Variants in PPARGC1A observed in about 807,000 individuals in gnomAD.
PPARGC1A encodes the protein peroxisome proliferator-activated receptor gamma coactivator 1-alpha.
Under a neutral mutation model 88.7 loss-of-function variants are expected in PPARGC1A, and 25 were observed. The ratio of observed to expected loss-of-function variants is 0.28; its 90% CI spans 0.21 to 0.39. The LOEUF (loss-of-function observed/expected upper bound fraction) is 0.39, where lower values mean the gene tolerates loss of function less well. Ranked by LOEUF, PPARGC1A falls within the 10% of genes least tolerant of loss-of-function variation. The probability of loss-of-function intolerance (pLI) is 1.00; values close to 1 mark genes in which losing one functional copy is unlikely to be tolerated. For synonymous variants in PPARGC1A, 363 were observed against 355.6 expected (o/e 1.02, Z -0.24); for missense variants, 880 against 968.7 (o/e 0.91, Z 1.22).
chr4:23,998,418 G>C, the PPARGC1A span, among the ~76,000 whole-genome samples: 2 of 151,822 alleles, frequency 1.3e-5, no homozygotes, highest in Non-Finnish European at 2.9e-5. Flanking sequence ...TCATATAACG[G>C]CAAACCTACG....
chr4:24,356,058 G>C, the PPARGC1A span, among the ~76,000 whole-genome samples: 1 of 152,006 alleles, frequency 6.6e-6, no homozygotes, highest in Non-Finnish European at 1.5e-5. Flanking sequence ...TTAGCCAGGC[G>C]TGGTGGCGCG....
chr4:24,362,278 C>T, the PPARGC1A span, among the ~76,000 whole-genome samples: 1 of 152,042 alleles, frequency 6.6e-6, no homozygotes, highest in Non-Finnish European at 1.5e-5. Flanking sequence ...GTTCCAGATT[C>T]CTGTATCAAT....
the PPARGC1A span, among the ~76,000 whole-genome samples, chr4:24,155,549 C>T: frequency 1.3e-5 from 2 of 148,886 alleles, no homozygotes; most frequent in African/African-American, 5.0e-5. Flanking sequence ...TGCAGTGAGC[C>T]AAGATCTCAC....
the PPARGC1A span, among the ~76,000 whole-genome samples, chr4:23,972,724 C>A: frequency 6.6e-6 from 1 of 152,266 alleles, no homozygotes; most frequent in East Asian, 1.9e-4. Flanking sequence ...AATTATTTTT[C>A]TTTCTTTAAT....
chr4:24,325,667 G>A, the PPARGC1A span, among the ~76,000 whole-genome samples: 1 of 152,152 alleles, frequency 6.6e-6, no homozygotes, highest in Non-Finnish European at 1.5e-5. Context: ...TCGGCTTAGC[G>A]GCTGAAGACT....
At chr4:24,099,532 G>A in the PPARGC1A span, among the ~76,000 whole-genome samples, 2 of 152,168 alleles carry the variant, frequency 1.3e-5, no homozygotes, top group Non-Finnish European at 2.9e-5. Context: ...ATGGCTAGAT[G>A]AGAGGAGCCG....
the PPARGC1A span, among the ~76,000 whole-genome samples, chr4:23,924,598 G>A: frequency 6.6e-6 from 1 of 152,108 alleles, no homozygotes; most frequent in Non-Finnish European, 1.5e-5. Flanking sequence ...CTCCAGCCTG[G>A]GTGACAGAGC....
At chr4:23,953,531 G>A in the PPARGC1A span, among the ~76,000 whole-genome samples, 1 of 152,050 alleles carries the variant, frequency 6.6e-6, no homozygotes, top group Non-Finnish European at 1.5e-5. Context: ...TGTCTTTACT[G>A]TAATATTTGG....
chr4:24,298,510 C>T, the PPARGC1A span, among the ~76,000 whole-genome samples: 3 of 152,150 alleles, frequency 2.0e-5, no homozygotes, highest in Non-Finnish European at 4.4e-5. Flanking sequence ...CCATTCTTGT[C>T]ATTGATATAT....
At chr4:24,082,863 G>A in the PPARGC1A span, among the ~76,000 whole-genome samples, 1 of 152,138 alleles carries the variant, frequency 6.6e-6, no homozygotes, top group Non-Finnish European at 1.5e-5. Flanking sequence ...GGATACAGGA[G>A]TACAGGAGGC....
At chr4:24,222,716 A>C in the PPARGC1A span, among the ~76,000 whole-genome samples, 324 of 152,332 alleles carry the variant, frequency 2.1e-3, 4 homozygotes, top group Non-Finnish European at 3.5e-3. Context: ...TTTCTTTTTC[A>C]ATAATTCTAT....
chr4:24,014,930 C>A, the PPARGC1A span, among the ~76,000 whole-genome samples: 1 of 152,148 alleles, frequency 6.6e-6, no homozygotes, highest in East Asian at 1.9e-4. Flanking sequence ...TTTGACCACA[C>A]TGAAGAGGAG....
At chr4:24,124,120 C>T in the PPARGC1A span, among the ~76,000 whole-genome samples, 1 of 152,044 alleles carries the variant, frequency 6.6e-6, no homozygotes, top group Admixed American at 6.6e-5. Context: ...ATACCACCTT[C>T]AAAAACCAAA....
chr4:23,866,859 G>A (rs886536405), intron 2 of PPARGC1A, among the ~76,000 whole-genome samples: 3 of 152,008 alleles, frequency 2.0e-5, no homozygotes, highest in Non-Finnish European at 4.4e-5. Context: ...CCGCCCGGGG[G>A]TGCTTGACTC....
chr4:24,468,956 T>C, the PPARGC1A span, among the ~76,000 whole-genome samples: 1 of 144,512 alleles, frequency 6.9e-6, no homozygotes, highest in Non-Finnish European at 1.5e-5. Context: ...CACATCATAT[T>C]GATCTAGAAA....
At chr4:24,286,879 G>T in the PPARGC1A span, among the ~76,000 whole-genome samples, 1 of 152,042 alleles carries the variant, frequency 6.6e-6, no homozygotes, top group Non-Finnish European at 1.5e-5. Flanking sequence ...AGGTTGAGCT[G>T]GGGCAGGATC....
At chr4:23,878,024 A>G (rs567679671) in intron 2 of PPARGC1A, among the ~76,000 whole-genome samples, 10 of 152,318 alleles carry the variant, frequency 6.6e-5, no homozygotes, top group Admixed American at 2.6e-4. Context: ...AAGTAAATCT[A>G]AGAAGCAATG....
At chr4:24,117,096 G>A in the PPARGC1A span, among the ~76,000 whole-genome samples, 9 of 151,818 alleles carry the variant, frequency 5.9e-5, 1 homozygote, top group Admixed American at 1.3e-4. Flanking sequence ...TCCTCTGACA[G>A]GATTACATTT....
intron 2 of PPARGC1A, among the ~76,000 whole-genome samples, chr4:23,872,247 T>A (rs1713540662): frequency 6.6e-6 from 1 of 152,188 alleles, no homozygotes; most frequent in Admixed American, 6.5e-5. Context: ...CAGGTCAGAC[T>A]TGCACACTGG....
Sources: allele counts gnomAD v4.1 joint callset (sites outside exome capture counted in the v4.1 genomes callset), GRCh38; gene constraint gnomAD v4.1.1; transcripts MANE v1.5; gene names NCBI Gene and HGNC (gene_info 2026-07-23, HGNC 2026-07-21).